GULP1: variants seen among roughly 807,000 people sequenced by gnomAD.
GULP1 encodes GULP PTB domain containing engulfment adaptor 1.
In GULP1, 19 loss-of-function variants were observed where a neutral mutation model predicts 40.9. The ratio of observed to expected loss-of-function variants is 0.46; its 90% CI spans 0.32 to 0.68. The LOEUF is 0.68. Ranked by LOEUF, GULP1 falls within the 30% of genes least tolerant of loss-of-function variation. GULP1 has a pLI of 0.03. For missense variants in GULP1, 312 were observed against 362.2 expected, an observed-to-expected ratio of 0.86 and a Z score of 1.12; for synonymous variants, 119 against 117.6, an observed-to-expected ratio of 1.01 and a Z score of -0.08.
intron 7 of GULP1, among the ~76,000 whole-genome samples, chr2:188,566,379 T>C (rs1006908306): frequency 6.6e-6 from 1 of 152,152 alleles, no homozygotes; most frequent in Non-Finnish European, 1.5e-5. Flanking sequence ...AGTAAAGATG[T>C]TATTATAAAA....
At chr2:188,540,436 A>ATGTG (rs1553593749) in intron 6 of GULP1, among the ~76,000 whole-genome samples, 4 of 149,614 alleles carry the variant, frequency 2.7e-5, no homozygotes, top group African/African-American at 9.8e-5. Flanking sequence ...ATAATTTAAT[A>ATGTG]TGTGTGTGTG....
At chr2:188,345,473 A>G (rs2043520803) in intron 1 of GULP1, among the ~76,000 whole-genome samples, 1 of 152,210 alleles carries the variant, frequency 6.6e-6, no homozygotes. Flanking sequence ...CAATTTTTTA[A>G]AAAAGAAATA....
chr2:188,531,648 A>G (rs1041044842), intron 6 of GULP1, among the ~76,000 whole-genome samples: 2 of 152,210 alleles, frequency 1.3e-5, no homozygotes, highest in African/African-American at 2.4e-5. Context: ...AAGATAGTAG[A>G]GGGTTGATTC....
intron 1 of GULP1, among the ~76,000 whole-genome samples, chr2:188,362,197 A>C (rs557192079): frequency 3.3e-5 from 5 of 152,248 alleles, no homozygotes; most frequent in Admixed American, 2.6e-4. Flanking sequence ...AAACTCTGGA[A>C]ATATTCCATG....
chr2:188,461,453 T>C (rs1351172758), intron 2 of GULP1, among the ~76,000 whole-genome samples: 7 of 151,732 alleles, frequency 4.6e-5, no homozygotes, highest in Non-Finnish European at 8.8e-5. Flanking sequence ...CCCGAGTAGC[T>C]GAGATTACAG....
At chr2:188,492,254 A>G (rs1221058609) in intron 4 of GULP1, among the ~76,000 whole-genome samples, 4 of 151,932 alleles carry the variant, frequency 2.6e-5, no homozygotes, top group Non-Finnish European at 4.4e-5. Flanking sequence ...TATATTTAAG[A>G]ACAATAACTT....
chr2:188,547,242 G>GAA (rs773467445), intron 7 of GULP1, among the ~76,000 whole-genome samples: 7 of 120,876 alleles, frequency 5.8e-5, no homozygotes, highest in African/African-American at 1.5e-4. Flanking sequence ...CTTAGACAAT[G>GAA]AAAAAAAAAA....
At chr2:188,589,759 A>G in intron 11 of GULP1, 1 of 1,355,974 alleles carries the variant, frequency 7.4e-7, no homozygotes, top group Non-Finnish European at 9.9e-7. Context: ...TGGTTGGTAT[A>G]TTATTTTTAT....
chr2:188,465,892 T>C (rs1419049471), intron 2 of GULP1, among the ~76,000 whole-genome samples: 10 of 152,078 alleles, frequency 6.6e-5, no homozygotes, highest in African/African-American at 2.4e-4. Flanking sequence ...AGTGCCTCTT[T>C]CCGTGGTATG....
At chr2:188,481,174 A>G (rs2061418621) in intron 3 of GULP1, among the ~76,000 whole-genome samples, 1 of 151,912 alleles carries the variant, frequency 6.6e-6, no homozygotes, top group Non-Finnish European at 1.5e-5. Context: ...TTTTACTTTA[A>G]TTCAAGGAAG....
At chr2:188,577,619 CCTT>C (rs148260996) in intron 9 of GULP1, among the ~76,000 whole-genome samples, 5,028 of 152,180 alleles carry the variant, frequency 0.033, 230 homozygotes, top group East Asian at 0.24. Context: ...TTTAGCCTCT[CCTT>C]CTTTCAGTTT....
chr2:188,329,411 T>C (rs995538945), intron 1 of GULP1, among the ~76,000 whole-genome samples: 1 of 152,008 alleles, frequency 6.6e-6, no homozygotes, highest in Non-Finnish European at 1.5e-5. Flanking sequence ...ATCAGTGACA[T>C]GTGAAGTAGG....
chr2:188,383,337 A>G (rs2049250625), intron 1 of GULP1, among the ~76,000 whole-genome samples: 1 of 152,244 alleles, frequency 6.6e-6, no homozygotes, highest in African/African-American at 2.4e-5. Flanking sequence ...TAGAATGAAA[A>G]TGAAAGTAAA....
At chr2:188,583,503 G>GT (rs1180827423) in intron 9 of GULP1, among the ~76,000 whole-genome samples, 1 of 152,052 alleles carries the variant, frequency 6.6e-6, no homozygotes, top group East Asian at 1.9e-4. Context: ...ATTGTTCCCT[G>GT]TTTTACAAAG....
intron 7 of GULP1, among the ~76,000 whole-genome samples, chr2:188,558,380 C>T (rs7568147): frequency 0.13 from 20,216 of 152,132 alleles, 3,342 homozygotes; most frequent in African/African-American, 0.39. Flanking sequence ...GCCACTGCCA[C>T]GTAAGAAGTG....
chr2:188,295,676 A>G (rs1344014154), intron 1 of GULP1, among the ~76,000 whole-genome samples: 2 of 152,118 alleles, frequency 1.3e-5, no homozygotes, highest in Non-Finnish European at 2.9e-5. Flanking sequence ...TGTTTAAAGG[A>G]TAAAGTCTTT....
At chr2:188,348,839 A>G (rs1202164264) in intron 1 of GULP1, among the ~76,000 whole-genome samples, 1 of 152,292 alleles carries the variant, frequency 6.6e-6, no homozygotes, top group East Asian at 1.9e-4. Context: ...ATATCGAAGG[A>G]TGACCGTACT....
rs577910598 is a variant in GULP1 at position 188,480,467 on chromosome 2, A to T, written c.28+2737A>T. 5.0e-3 allele frequency among the ~76,000 whole-genome samples: 714 copies of T among 144,048 alleles called. 5 individuals carry two copies. The highest frequency in any genetic ancestry group is 0.019 in the African/African-American group (664 of 34,244). 94.5% of individuals were successfully genotyped at this position (144,048 alleles called of 152,430 possible). A position where few individuals can be genotyped will look rare whatever the true frequency, so the allele number is the denominator to read the frequency against. On this transcript the variant is annotated intron_variant, in intron 3 of 11. Coordinates refer to ENST00000409830, the MANE Select transcript of GULP1 (RefSeq NM_016315.4). ...CTAAACATAATTGTGTTTTTTTTTTAAATTAAATCTCCAAATTAGTAAGTT... is the reference window on the plus strand; with the variant it reads ...CTAAACATAATTGTGTTTTTTTTTTTAATTAAATCTCCAAATTAGTAAGTT...
chr2:188,441,161 T>C (rs371952663), intron 2 of GULP1, among the ~76,000 whole-genome samples: 2 of 152,178 alleles, frequency 1.3e-5, no homozygotes, highest in Non-Finnish European at 2.9e-5. Flanking sequence ...TATATAGTGC[T>C]TTAATATTTA....
Sources: allele counts gnomAD v4.1 joint callset (sites outside exome capture counted in the v4.1 genomes callset), GRCh38; gene constraint gnomAD v4.1.1; transcripts MANE v1.5; gene names NCBI Gene and HGNC (gene_info 2026-07-23, HGNC 2026-07-21).